Variants in ENOX2 observed in about 807,000 individuals in gnomAD.
ENOX2 encodes ecto-NOX disulfide-thiol exchanger 2, also known as APK1 antigen.
ENOX2 carries 36 observed loss-of-function variants against 45.0 expected under a neutral mutation model. That is an observed-to-expected ratio of 0.80 (90% CI 0.61 to 1.06). The LOEUF is 1.06. ENOX2 is among the 50% of genes least tolerant of loss of function. The pLI, the probability that ENOX2 is intolerant of heterozygous loss-of-function variation, is 0.00. For missense variants in ENOX2, 423 were observed against 462.5 expected, an observed-to-expected ratio of 0.91 and a Z score of 0.78; for synonymous variants, 174 against 152.3, an observed-to-expected ratio of 1.14 and a Z score of -1.05.
Position 130,730,803 on chromosome X carries a change from A to T in ENOX2, c.-38-27549T>A, listed in dbSNP as rs1443084792. 2.7e-5 allele frequency among the ~76,000 whole-genome samples: 3 copies of T among 111,486 alleles called. No individual in the cohort carries two copies. In the East Asian group the frequency reaches 8.5e-4, roughly 32 times the overall value. On this transcript the variant is annotated intron_variant, in intron 3 of 14. Transcript: ENST00000394363. ...GGGCTTCCAGGTCACAGGTAGATTT[A>T]AATATATTCTGATTGGCAATTGGTT...
intron 6 of ENOX2, among the ~76,000 whole-genome samples, chrX:130,677,853 G>A (rs190200208): frequency 1.8e-5 from 2 of 110,992 alleles, no homozygotes; most frequent in Admixed American, 1.9e-4. Flanking sequence ...TTGGGAAGCC[G>A]AGGTGGGTGG....
At chrX:130,655,188 T>C (rs1367381844) in intron 10 of ENOX2, among the ~76,000 whole-genome samples, 1 of 112,638 alleles carries the variant, frequency 8.9e-6, no homozygotes, top group African/African-American at 3.2e-5. Context: ...TTGCAGTAAT[T>C]AGTTGACTAT....
chrX:130,709,936 C>T (rs2038147259), intron 3 of ENOX2, among the ~76,000 whole-genome samples: 1 of 109,762 alleles, frequency 9.1e-6, no homozygotes, highest in Non-Finnish European at 1.9e-5. Flanking sequence ...CCCTGACAGG[C>T]CCTGGTGTGT....
chrX:130,890,314 T>G (rs1057196823), intron 2 of ENOX2, among the ~76,000 whole-genome samples: 3 of 111,228 alleles, frequency 2.7e-5, no homozygotes, highest in Non-Finnish European at 5.7e-5. Context: ...CAAAAACCAT[T>G]GCACTGTTTC....
intron 14 of ENOX2, among the ~76,000 whole-genome samples, chrX:130,627,700 A>G (rs2035584945): frequency 8.9e-6 from 1 of 112,305 alleles, no homozygotes; most frequent in Non-Finnish European, 1.9e-5. Flanking sequence ...AACTTATTCA[A>G]GTTTGCCTGA....
intron 3 of ENOX2, among the ~76,000 whole-genome samples, chrX:130,715,876 A>C (rs2038317394): frequency 8.9e-6 from 1 of 112,091 alleles, no homozygotes; most frequent in Admixed American, 9.4e-5. Flanking sequence ...AGATTAAAGG[A>C]GAAAATATAC....
chrX:130,712,975 T>G (rs1191204283), intron 3 of ENOX2, among the ~76,000 whole-genome samples: 1 of 112,142 alleles, frequency 8.9e-6, no homozygotes, highest in Non-Finnish European at 1.9e-5. Flanking sequence ...AATATAATTC[T>G]TACAAAAACT....
intron 3 of ENOX2, among the ~76,000 whole-genome samples, chrX:130,756,705 T>C (rs1377444618): frequency 8.9e-6 from 1 of 112,384 alleles, no homozygotes; most frequent in Non-Finnish European, 1.9e-5. Flanking sequence ...ATGGATCTCA[T>C]GCCCTAAACT....
At chrX:130,641,733 A>G (rs2036093805) in intron 10 of ENOX2, among the ~76,000 whole-genome samples, 1 of 109,211 alleles carries the variant, frequency 9.2e-6, no homozygotes, top group South Asian at 4.0e-4. Context: ...AAAAAAAAAA[A>G]AAAAAAAAGA....
intron 2 of ENOX2, among the ~76,000 whole-genome samples, chrX:130,853,204 G>A (rs2078242676): frequency 2.7e-5 from 3 of 109,919 alleles, no homozygotes; most frequent in South Asian, 4.0e-4. Context: ...TTGGCCGGGC[G>A]CGGTGGCTCA....
intron 3 of ENOX2, among the ~76,000 whole-genome samples, chrX:130,752,954 C>T (rs989750407): frequency 1.8e-5 from 2 of 111,133 alleles, no homozygotes; most frequent in Non-Finnish European, 1.9e-5. Context: ...GTTCTCTCTG[C>T]TTTGTCTCTG....
chrX:130,780,038 G>A (rs2039936423), intron 3 of ENOX2, among the ~76,000 whole-genome samples: 1 of 111,763 alleles, frequency 8.9e-6, no homozygotes, highest in Non-Finnish European at 1.9e-5. Context: ...AAGAAGAAGG[G>A]GAGCATGCTG....
At chrX:130,732,552 T>C (rs915432046) in intron 3 of ENOX2, among the ~76,000 whole-genome samples, 2 of 111,888 alleles carry the variant, frequency 1.8e-5, no homozygotes, top group African/African-American at 6.5e-5. Context: ...GCCAAATCAA[T>C]ATTGAGAAAG....
In ENOX2 at chrX:130,733,768, T is replaced by A. The variant is rs1156908130; in HGVS notation, c.-38-30514A>T. On this transcript the variant is annotated intron_variant, in intron 3 of 14. Coordinates refer to ENST00000394363, the MANE Select transcript of ENOX2 (RefSeq NM_006375.4). Reference sequence around the variant, plus strand: ...ATTATAGAAATGGAGTACACATTAGTAGTTGGTGGAAGGCAGGAGGGAGGT... The same window carrying A: ...ATTATAGAAATGGAGTACACATTAGAAGTTGGTGGAAGGCAGGAGGGAGGT... 2.7e-5 allele frequency among the ~76,000 whole-genome samples: 3 copies of A among 111,930 alleles called. No homozygotes were observed. The East Asian group carries it at 8.3e-4, about 31-fold the overall frequency.
chrX:130,735,617 T>C (rs1013551980), intron 3 of ENOX2, among the ~76,000 whole-genome samples: 1 of 111,875 alleles, frequency 8.9e-6, no homozygotes, highest in Non-Finnish European at 1.9e-5. Flanking sequence ...TTCTAAAAAA[T>C]TGGAAAAGAA....
chrX:130,652,867 C>G (rs1234955632), intron 10 of ENOX2, among the ~76,000 whole-genome samples: 1 of 112,179 alleles, frequency 8.9e-6, no homozygotes, highest in African/African-American at 3.2e-5. Context: ...TGACCAGAAA[C>G]TAGGAGACAG....
At chrX:130,883,049 T>G (rs1189108545) in intron 2 of ENOX2, among the ~76,000 whole-genome samples, 1 of 112,526 alleles carries the variant, frequency 8.9e-6, no homozygotes, top group Non-Finnish European at 1.9e-5. Context: ...TATAAGGTAT[T>G]TATAACATGA....
rs575688034 is a variant in ENOX2, at chrX:130,854,435, G to C, written c.-183+47249C>G. 3.2e-4 allele frequency among the ~76,000 whole-genome samples: 36 copies of C among 111,530 alleles called. 1 individual carries two copies. The highest frequency in any genetic ancestry group is 1.2e-3 in the African/African-American group (36 of 30,688). ...GTAGCACAATAACAACAGATCTAACGTTTGTATGACTGAATTCTCAGAACA... is the reference window on the plus strand; with the variant it reads ...GTAGCACAATAACAACAGATCTAACCTTTGTATGACTGAATTCTCAGAACA... On this transcript the variant is annotated intron_variant, in intron 2 of 14. Transcript: ENST00000394363.
chrX:130,635,215 T>C (rs2035902403), intron 11 of ENOX2, 124 bp from the exon 12 acceptor site: 1 of 399,020 alleles, frequency 2.5e-6, no homozygotes, highest in Non-Finnish European at 4.2e-6. Flanking sequence ...CACGACCATT[T>C]TTCCATAAAG....
Sources: allele counts gnomAD v4.1 joint callset (sites outside exome capture counted in the v4.1 genomes callset), GRCh38; gene constraint gnomAD v4.1.1; transcripts MANE v1.5; gene names NCBI Gene and HGNC (gene_info 2026-07-23, HGNC 2026-07-21).